EYS: variants seen among roughly 807,000 people sequenced by gnomAD.
The protein encoded by EYS is protein eyes shut homolog.
EYS carries 250 observed loss-of-function variants against 282.1 expected under a neutral mutation model. The ratio of observed to expected loss-of-function variants is 0.89; its 90% CI spans 0.80 to 0.98. The LOEUF (loss-of-function observed/expected upper bound fraction) is 0.98. EYS is among the 50% of genes least tolerant of loss of function. The pLI, the probability that EYS is intolerant of heterozygous loss-of-function variation, is 0.00. For synonymous variants in EYS, 1,355 were observed against 1,282.9 expected (o/e 1.06, Z -1.20); for missense variants, 4,016 against 3,709.0 (o/e 1.08, Z -2.15).
intron 35 of EYS, among the ~76,000 whole-genome samples, chr6:63,872,477 GT>G (rs3041455): frequency 9.2e-5 from 11 of 119,354 alleles, no homozygotes; most frequent in Admixed American, 9.7e-5. Flanking sequence ...CCTAAATATG[GT>G]TTTTTTTTTT....
intron 28 of EYS, among the ~76,000 whole-genome samples, chr6:64,403,974 C>T (rs13203829): frequency 0.37 from 56,061 of 151,938 alleles, 11,080 homozygotes; most frequent in African/African-American, 0.52. Context: ...ATGTTGGGAG[C>T]TTGTGTAGGG....
At chr6:64,914,573 G>T (rs552635389) in intron 15 of EYS, among the ~76,000 whole-genome samples, 3 of 152,070 alleles carry the variant, frequency 2.0e-5, no homozygotes, top group Admixed American at 2.0e-4. Flanking sequence ...ATATATCAAG[G>T]CCCTTTATAA....
intron 19 of EYS, among the ~76,000 whole-genome samples, chr6:64,853,811 C>T (rs1173184652): frequency 6.6e-6 from 1 of 152,034 alleles, no homozygotes; most frequent in African/African-American, 2.4e-5. Context: ...AGTGAACAGG[C>T]AACCTACAGA....
intron 13 of EYS, among the ~76,000 whole-genome samples, chr6:65,028,222 C>T (rs1180618092): frequency 2.6e-5 from 4 of 151,958 alleles, no homozygotes; most frequent in South Asian, 2.1e-4. Context: ...AACTCCAATG[C>T]TTTACTCAGA....
chr6:64,184,293 T>C (rs1764868619), intron 31 of EYS, among the ~76,000 whole-genome samples: 1 of 152,166 alleles, frequency 6.6e-6, no homozygotes, highest in South Asian at 2.1e-4. Context: ...AAATACTACA[T>C]GAGTGAATGA....
At chr6:65,636,196 G>C (rs1586656) in intron 2 of EYS, among the ~76,000 whole-genome samples, 1 of 152,116 alleles carries the variant, frequency 6.6e-6, no homozygotes, top group East Asian at 1.9e-4. Context: ...ATTTCTCTGC[G>C]CAAAATTTTT....
chr6:64,948,525 T>C (rs1430555029), intron 14 of EYS, among the ~76,000 whole-genome samples: 2 of 146,344 alleles, frequency 1.4e-5, no homozygotes, highest in African/African-American at 4.9e-5. Flanking sequence ...GAAATTATAT[T>C]CCACTAGAAA....
chr6:64,438,998 C>T (rs1164030257), intron 27 of EYS, among the ~76,000 whole-genome samples, 164 bp downstream of exon 27: 1 of 151,328 alleles, frequency 6.6e-6, no homozygotes, highest in Non-Finnish European at 1.5e-5. Context: ...GTTGTTGGTT[C>T]ATATATACAT....
intron 41 of EYS, among the ~76,000 whole-genome samples, chr6:63,755,008 A>T (rs1309149076): frequency 6.6e-6 from 1 of 151,894 alleles, no homozygotes; most frequent in African/African-American, 2.4e-5. Flanking sequence ...GTGTCTGTTC[A>T]TTTCCTTTGC....
chr6:65,300,470 T>C (rs1332297764), intron 11 of EYS, among the ~76,000 whole-genome samples: 1 of 152,192 alleles, frequency 6.6e-6, no homozygotes, highest in Non-Finnish European at 1.5e-5. Flanking sequence ...GTCTTAAGTT[T>C]TGGAGTTTTT....
At chr6:65,334,258 A>C (rs555342371) in intron 11 of EYS, among the ~76,000 whole-genome samples, 1 of 151,216 alleles carries the variant, frequency 6.6e-6, no homozygotes, top group Admixed American at 6.6e-5. Context: ...GCAATATTTT[A>C]TTTTATTGTA....
chr6:64,975,223 T>A (rs1311776013), intron 14 of EYS, among the ~76,000 whole-genome samples: 1 of 151,820 alleles, frequency 6.6e-6, no homozygotes, highest in Non-Finnish European at 1.5e-5. Context: ...TTGAATAAGA[T>A]ATAAAAACGA....
chr6:63,965,870 A>G (rs1352127867), intron 35 of EYS, among the ~76,000 whole-genome samples: 1 of 152,186 alleles, frequency 6.6e-6, no homozygotes, highest in Non-Finnish European at 1.5e-5. Flanking sequence ...AGTGAAAAGA[A>G]TCATGGGCAT....
At position 65,190,301 on chromosome 6, in the gene EYS, A is replaced by G. The variant is rs935201652; in HGVS notation, c.2023+105562T>C. Among the ~76,000 whole-genome samples the G allele has an allele frequency of 5.4e-5, 8 of 148,100 alleles. No individual in the cohort carries two copies. In the East Asian group the frequency reaches 1.6e-3, roughly 29 times the overall value. ...TTATATAAAGTATTTTCATGTATAA[A>G]TATATTTCCTATAAAATATTTATAT... On this transcript the variant is annotated intron_variant, in intron 12 of 42. Transcript: ENST00000503581.
intron 26 of EYS, among the ~76,000 whole-genome samples, chr6:64,469,314 C>T (rs1007761161): frequency 5.3e-5 from 8 of 151,854 alleles, no homozygotes; most frequent in African/African-American, 1.7e-4. Flanking sequence ...GGCAGGAGAC[C>T]GAGGGCACCA....
intron 1 of EYS, among the ~76,000 whole-genome samples, chr6:65,706,365 A>G (rs1228200894): frequency 6.6e-6 from 1 of 152,082 alleles, no homozygotes; most frequent in African/African-American, 2.4e-5. Context: ...TTTAAATAAT[A>G]AAGATTTTTA....
At chr6:64,935,176 G>A (rs1768866918) in intron 15 of EYS, among the ~76,000 whole-genome samples, 1 of 151,590 alleles carries the variant, frequency 6.6e-6, no homozygotes, top group South Asian at 2.1e-4. Flanking sequence ...TGTTAAAGTG[G>A]TATATCAGAA....
Position 64,547,051 on chromosome 6 carries a change from T to A in EYS, c.5644+43172A>T, listed in dbSNP as rs541432216. On this transcript the variant is annotated intron_variant, in intron 26 of 42. Transcript: ENST00000503581. The stretch of plus-strand genomic sequence containing the variant: ...GTTTGTTCCCTCTGATGTTCGGACG[T>A]ATTCGGAATTTCTTCCTTCTGGTGG... 2.0e-5 allele frequency among the ~76,000 whole-genome samples: 3 copies of A among 152,288 alleles called. No homozygotes were observed. In the South Asian group the frequency reaches 6.2e-4, roughly 32 times the overall value.
chr6:65,140,559 A>G (rs1764302708), intron 12 of EYS, among the ~76,000 whole-genome samples: 1 of 151,566 alleles, frequency 6.6e-6, no homozygotes, highest in Non-Finnish European at 1.5e-5. Context: ...CAGGCAACCT[A>G]CAAAATGGGA....
Sources: gnomAD v4.1 joint callset for allele counts (sites outside exome capture counted in the v4.1 genomes callset) on GRCh38, gnomAD v4.1.1 for gene constraint, MANE v1.5 for transcripts, NCBI Gene and HGNC (gene_info 2026-07-23, HGNC 2026-07-21) for gene names.